TMPRSS15: variants seen among roughly 807,000 people sequenced by gnomAD.
The protein encoded by TMPRSS15 is transmembrane serine protease 15, also known as enteropeptidase.
A neutral mutation model predicts 125.3 loss-of-function variants in TMPRSS15; 128 were observed. The ratio of observed to expected loss-of-function variants is 1.02; its 90% CI spans 0.89 to 1.18. The LOEUF is 1.18. Ranked by LOEUF, TMPRSS15 falls within the 50% of genes most tolerant of loss-of-function variation. TMPRSS15 has a pLI of 0.00. For missense variants in TMPRSS15, 1,283 were observed against 1,212.7 expected (o/e 1.06, Z -0.86); for synonymous variants, 446 against 423.2 (o/e 1.05, Z -0.66).
At chr21:18,379,186 T>C in intron 5 of TMPRSS15, 97 bp downstream of exon 5, 1 of 488,302 alleles carries the variant, frequency 2.0e-6, no homozygotes, top group Non-Finnish European at 3.4e-6. Flanking sequence ...GCACAATATT[T>C]ATTGCTAAGG....
At chr21:18,471,543 C>A (rs118121704) in intron 1 of TMPRSS15, among the ~76,000 whole-genome samples, 1 of 151,660 alleles carries the variant, frequency 6.6e-6, no homozygotes, top group East Asian at 1.9e-4. Flanking sequence ...TTTGCTCAAG[C>A]TGACAAACCT....
At chr21:18,333,952 T>G (rs2075367857) in intron 13 of TMPRSS15, among the ~76,000 whole-genome samples, 1 of 152,220 alleles carries the variant, frequency 6.6e-6, no homozygotes, top group African/African-American at 2.4e-5. Flanking sequence ...TAATCTCATT[T>G]GAAGAATGCA....
intron 20 of TMPRSS15, 71 bp downstream of exon 20, chr21:18,294,532 G>C: frequency 6.2e-7 from 1 of 1,600,108 alleles, no homozygotes; most frequent in Non-Finnish European, 8.6e-7. Flanking sequence ...AATAACTTCA[G>C]GTGACATAAA....
At chr21:18,341,591 A>C in intron 12 of TMPRSS15, 43 bp from the exon 13 acceptor site, 1 of 1,609,148 alleles carries the variant, frequency 6.2e-7, no homozygotes, top group Non-Finnish European at 8.5e-7. Flanking sequence ...ATTCCATTCT[A>C]ATCTTCTCTG....
At chr21:18,404,934 A>T (rs1302134673), upstream of TMPRSS15, among the ~76,000 whole-genome samples, 1 of 152,084 alleles carries the variant, frequency 6.6e-6, no homozygotes, top group Non-Finnish European at 1.5e-5. Context: ...TATATATATG[A>T]AATCAGAGAC....
At chr21:18,398,889 T>G (rs766809505) in intron 1 of TMPRSS15, among the ~76,000 whole-genome samples, 22 of 152,114 alleles carry the variant, frequency 1.4e-4, no homozygotes, top group Non-Finnish European at 2.6e-4. Context: ...CCTTGTGCCA[T>G]TAGCTGGTGA....
chr21:18,300,036 A>C (rs1239691100), intron 18 of TMPRSS15, among the ~76,000 whole-genome samples: 2 of 152,206 alleles, frequency 1.3e-5, no homozygotes, highest in Non-Finnish European at 2.9e-5. Context: ...TCATGTCTAA[A>C]TGAGGAAACC....
chr21:18,340,040 G>A (rs1302783994), intron 13 of TMPRSS15, among the ~76,000 whole-genome samples: 1 of 152,182 alleles, frequency 6.6e-6, no homozygotes, highest in Non-Finnish European at 1.5e-5. Flanking sequence ...GCCTTACAAA[G>A]GTACTGTGAT....
intron 1 of TMPRSS15, among the ~76,000 whole-genome samples, chr21:18,483,010 G>C (rs1049946444): frequency 1.3e-5 from 2 of 151,538 alleles, no homozygotes; most frequent in African/African-American, 4.8e-5. Context: ...CAGGTGCAAG[G>C]CTTATTCTTT....
rs956074488 is a variant in TMPRSS15 at position 18,343,792 on chromosome 21, G to T, written c.1278-136C>A. 15 of 1,168,066 alleles carry T rather than the reference G, an allele frequency of 1.3e-5. No homozygotes were observed. The African/African-American group carries it at 2.0e-4, about 15-fold the overall frequency. 72.4% of individuals were successfully genotyped at this position (1,168,066 alleles called of 1,614,324 possible). ...GGGTTTTGGAGTTGCTGGGGATGGG[G>T]AGAGGTGTCTATCAATGTTTTATTG... On this transcript the variant is annotated intron_variant, in intron 11 of 24. Transcript: ENST00000284885.
At chr21:18,328,347 T>C (rs1601340895) in intron 15 of TMPRSS15, among the ~76,000 whole-genome samples, 1 of 152,142 alleles carries the variant, frequency 6.6e-6, no homozygotes, top group South Asian at 2.1e-4. Context: ...ACAGCCAAAG[T>C]AATAATAAAA....
At chr21:18,441,606 CAAAAAAA>C (rs201137705) in intron 1 of TMPRSS15, among the ~76,000 whole-genome samples, 12 of 98,522 alleles carry the variant, frequency 1.2e-4, no homozygotes, top group Middle Eastern at 6.3e-3. Context: ...GACTCCATCT[CAAAAAAA>C]AAAAAAAAAA....
At chr21:18,308,598 CTTTT>C (rs33940921) in intron 18 of TMPRSS15, among the ~76,000 whole-genome samples, 2 of 148,582 alleles carry the variant, frequency 1.3e-5, no homozygotes, top group Non-Finnish European at 1.5e-5. Context: ...TACACTGAGA[CTTTT>C]TTTTTTTTTT....
At chr21:18,298,955 G>T (rs1412067416) in intron 18 of TMPRSS15, among the ~76,000 whole-genome samples, 1 of 152,204 alleles carries the variant, frequency 6.6e-6, no homozygotes, top group African/African-American at 2.4e-5. Flanking sequence ...CAAGCTGAAA[G>T]AATGTTTAGT....
At chr21:18,423,419 T>C (rs1040541463) in intron 1 of TMPRSS15, among the ~76,000 whole-genome samples, 90 of 151,018 alleles carry the variant, frequency 6.0e-4, no homozygotes, top group African/African-American at 2.0e-3. Flanking sequence ...CTTTTTTTTT[T>C]TTTTTTTGAG....
chr21:18,446,308 G>A (rs1601465628), intron 1 of TMPRSS15, among the ~76,000 whole-genome samples: 2 of 151,922 alleles, frequency 1.3e-5, no homozygotes, highest in African/African-American at 2.4e-5. Context: ...AATTGAAGAG[G>A]ACACAAATCA....
chr21:18,318,970 A>T (rs1321353176), intron 16 of TMPRSS15, among the ~76,000 whole-genome samples: 1 of 152,224 alleles, frequency 6.6e-6, no homozygotes, highest in African/African-American at 2.4e-5. Context: ...GCCTCAAAAT[A>T]AGTATGAAGC....
At chr21:18,335,242 C>T (rs1288509134) in intron 13 of TMPRSS15, among the ~76,000 whole-genome samples, 3 of 152,162 alleles carry the variant, frequency 2.0e-5, no homozygotes, top group East Asian at 1.9e-4. Context: ...AATTAACTTC[C>T]TATTTCACAA....
intron 7 of TMPRSS15, among the ~76,000 whole-genome samples, chr21:18,363,072 T>C (rs1265499328): frequency 6.6e-6 from 1 of 152,176 alleles, no homozygotes; most frequent in East Asian, 1.9e-4. Context: ...ATTTAATTGA[T>C]CTTAAACCTT....
Sources: allele counts gnomAD v4.1 joint callset (sites outside exome capture counted in the v4.1 genomes callset), GRCh38; gene constraint gnomAD v4.1.1; transcripts MANE v1.5; gene names NCBI Gene and HGNC (gene_info 2026-07-23, HGNC 2026-07-21).